The following IARS1 variants were observed in gnomAD, a reference collection of about 807,000 sequenced individuals.
The protein encoded by IARS1 is isoleucine--tRNA ligase, cytoplasmic.
A neutral mutation model predicts 168.2 loss-of-function variants in IARS1; 124 were observed. The ratio of observed to expected loss-of-function variants is 0.74; its 90% CI spans 0.64 to 0.86. The LOEUF is 0.86. Ranked by LOEUF, IARS1 falls within the 40% of genes least tolerant of loss-of-function variation. The pLI is 0.00. For missense variants in IARS1, 1,452 were observed against 1,515.8 expected, an observed-to-expected ratio of 0.96 and a Z score of 0.70; for synonymous variants, 532 against 529.4, an observed-to-expected ratio of 1.00 and a Z score of -0.07.
At chr9:92,253,508 G>T in intron 20 of IARS1, 55 bp from the exon 21 acceptor site, 2 of 1,147,988 alleles carry the variant, frequency 1.7e-6, no homozygotes, top group South Asian at 1.2e-5. Context: ...CATCTGGGGT[G>T]GGGAGAGGGT....
chr9:92,249,481 A>T (rs1029927399), intron 25 of IARS1, among the ~76,000 whole-genome samples: 1 of 152,132 alleles, frequency 6.6e-6, no homozygotes, highest in Non-Finnish European at 1.5e-5. Flanking sequence ...TGAACCCAGG[A>T]GGTGGAGGTT....
At chr9:92,211,642 T>C (rs1207016454) in intron 33 of IARS1, among the ~76,000 whole-genome samples, 2 of 152,308 alleles carry the variant, frequency 1.3e-5, no homozygotes, top group East Asian at 3.9e-4. Flanking sequence ...TGGCTAACTC[T>C]GGGTACTGCC....
chr9:92,278,958 T>C (rs1231537086), intron 7 of IARS1, among the ~76,000 whole-genome samples: 1 of 152,188 alleles, frequency 6.6e-6, no homozygotes, highest in Non-Finnish European at 1.5e-5. Flanking sequence ...TGCATCTGTG[T>C]ACCCTTATTG....
At chr9:92,227,485 C>G (rs1009871081) in intron 31 of IARS1, among the ~76,000 whole-genome samples, 1 of 149,184 alleles carries the variant, frequency 6.7e-6, no homozygotes, top group Non-Finnish European at 1.5e-5. Context: ...GGCAGAGAGG[C>G]TCCTCACTTC....
chr9:92,255,560 C>A (rs1260246153), intron 20 of IARS1, among the ~76,000 whole-genome samples: 1 of 152,134 alleles, frequency 6.6e-6, no homozygotes, highest in African/African-American at 2.4e-5. Flanking sequence ...GAAATAACAG[C>A]AAAATGTCCA....
intron 30 of IARS1, among the ~76,000 whole-genome samples, chr9:92,231,442 T>C (rs1826678969): frequency 6.6e-6 from 1 of 151,420 alleles, no homozygotes; most frequent in South Asian, 2.1e-4. Flanking sequence ...AGACGGAGTT[T>C]TGCTCTTGTT....
intron 31 of IARS1, among the ~76,000 whole-genome samples, chr9:92,224,715 C>T (rs948102193): frequency 4.6e-5 from 7 of 152,204 alleles, no homozygotes; most frequent in Admixed American, 3.3e-4. Context: ...TGTCTGTACT[C>T]CTAGTTACTT....
At chr9:92,288,776 A>G (rs1331462567) in intron 2 of IARS1, among the ~76,000 whole-genome samples, 8 of 152,182 alleles carry the variant, frequency 5.3e-5, no homozygotes, top group Non-Finnish European at 1.2e-4. Context: ...GATGACACAT[A>G]AATTTTACTC....
chr9:92,292,843 T>C (rs1836595775), intron 1 of IARS1, among the ~76,000 whole-genome samples: 1 of 152,244 alleles, frequency 6.6e-6, no homozygotes, highest in Non-Finnish European at 1.5e-5. Flanking sequence ...AAAACCATGT[T>C]TTGTTTAAAA....
At chr9:92,264,874 T>C in intron 16 of IARS1, 55 bp downstream of exon 16, 1 of 1,456,588 alleles carries the variant, frequency 6.9e-7, no homozygotes, top group South Asian at 1.3e-5. Flanking sequence ...AGTAAAATAC[T>C]CCCTAAATAA....
At chr9:92,254,371 A>C (rs1285888385) in intron 20 of IARS1, among the ~76,000 whole-genome samples, 1 of 152,236 alleles carries the variant, frequency 6.6e-6, no homozygotes, top group Non-Finnish European at 1.5e-5. Flanking sequence ...AACAAAAAGA[A>C]TAAGACCGAT....
intron 20 of IARS1, among the ~76,000 whole-genome samples, chr9:92,255,638 T>C (rs1345266230): frequency 1.3e-5 from 2 of 152,214 alleles, no homozygotes; most frequent in African/African-American, 4.8e-5. Context: ...GTAATGAAAA[T>C]AGAACTAAAA....
intron 33 of IARS1, among the ~76,000 whole-genome samples, chr9:92,221,643 A>C (rs1323089761): frequency 6.6e-6 from 1 of 152,226 alleles, no homozygotes; most frequent in Non-Finnish European, 1.5e-5. Flanking sequence ...AATAGTGCTA[A>C]GTGGGAGAAC....
chr9:92,215,082 G>C (rs543174940), intron 33 of IARS1, among the ~76,000 whole-genome samples: 12 of 152,290 alleles, frequency 7.9e-5, no homozygotes, highest in East Asian at 5.8e-4. Flanking sequence ...TCTGAGAACG[G>C]GCAGACTGCC....
At chr9:92,277,968 T>C in intron 8 of IARS1, 45 bp from the exon 9 acceptor site, 2 of 1,563,584 alleles carry the variant, frequency 1.3e-6, no homozygotes. Context: ...TAAAATCAAA[T>C]ATGAGGCTGC....
In IARS1 at chr9:92,283,551, G is replaced by A. The variant is rs146569210; in HGVS notation, c.597+2171C>T. Reference sequence around the variant, plus strand: ...CCCAGCTACTCGGGAGGCTGAGGCAGGAGAATTGCTTGAACCTGGGAGGAG... The same window carrying A: ...CCCAGCTACTCGGGAGGCTGAGGCAAGAGAATTGCTTGAACCTGGGAGGAG... On this transcript the variant is annotated intron_variant, in intron 6 of 33. Transcript: ENST00000443024. Among the ~76,000 whole-genome samples the A allele has an allele frequency of 7.3e-4, 111 of 152,324 alleles. 1 individual carries two copies. The East Asian group carries it at 0.013, about 17-fold the overall frequency.
chr9:92,288,244 A>T lies in IARS1; in HGVS notation c.158T>A (p.Leu53Gln). The change falls in exon 3 of 34, where the codon CTG becomes CAG. Residue 53 changes from leucine (L) to glutamine (Q), a missense_variant. Leu to Gln is a moderately radical substitution (Grantham distance 113, BLOSUM62 -2). Transcript: ENST00000443024. ...FYDGPPFATG[L>Q]PHYGHILAGT... Reference sequence around the variant, plus strand: ...CGCAAGTATATGTCCATAGTGAGGCAGTCCAGTTGCAAAAGGAGGACCATC... The same window carrying T: ...CGCAAGTATATGTCCATAGTGAGGCTGTCCAGTTGCAAAAGGAGGACCATC... 6.2e-7 allele frequency: 1 copy of T among 1,614,054 alleles called. No homozygotes were observed. The highest frequency in any genetic ancestry group is 8.5e-7 in the Non-Finnish European group (1 of 1,179,908).
chr9:92,239,788 T>C (rs1440972554), intron 30 of IARS1, among the ~76,000 whole-genome samples: 1 of 152,130 alleles, frequency 6.6e-6, no homozygotes, highest in Non-Finnish European at 1.5e-5. Context: ...GGGAGGGGTC[T>C]TCAGCTTGGC....
Position 92,242,184 on chromosome 9 carries a change from C to T in IARS1, c.3147G>A (p.Ser1049=), listed in dbSNP as rs757579649. The T allele has an allele frequency of 8.7e-6, 14 of 1,613,898 alleles. 1 individual carries two copies. The Middle Eastern group carries it at 8.3e-4, about 95-fold the overall frequency. The change falls in exon 29 of 34, where the codon TCG becomes TCA. Residue 1049 remains serine (S), a synonymous_variant. Transcript: ENST00000443024. ...APLKPYPVSP[S]DKVLIQEKTQ... is the part of the protein sequence containing the mutation. ...TTTTTTCTTGAATAAGGACTTTATC[C>T]GATGGAGAAACTGGATATGGTTTCA...
Sources: gnomAD v4.1 joint callset for allele counts (sites outside exome capture counted in the v4.1 genomes callset) on GRCh38, gnomAD v4.1.1 for gene constraint, MANE v1.5 for transcripts, NCBI Gene and HGNC (gene_info 2026-07-23, HGNC 2026-07-21) for gene names.